Variants in DCDC1 observed in about 807,000 individuals in gnomAD.
DCDC1 encodes doublecortin domain containing 1.
A neutral mutation model predicts 178.3 loss-of-function variants in DCDC1; 200 were observed. The ratio of observed to expected loss-of-function variants is 1.12; its 90% CI spans 1.00 to 1.26. DCDC1 has a LOEUF of 1.26. Ranked by LOEUF, DCDC1 falls within the 50% of genes most tolerant of loss-of-function variation. The probability of loss-of-function intolerance (pLI) is 0.00; values close to 1 mark genes in which losing one functional copy is unlikely to be tolerated. For synonymous variants in DCDC1, 690 were observed against 604.8 expected (o/e 1.14, Z -2.07); for missense variants, 1,983 against 1,749.2 (o/e 1.13, Z -2.38).
chr11:31,013,778 G>T (rs1247320542), intron 20 of DCDC1, among the ~76,000 whole-genome samples: 1 of 152,122 alleles, frequency 6.6e-6, no homozygotes, highest in African/African-American at 2.4e-5. Flanking sequence ...TAATAGAATG[G>T]TATTAATGAT....
intron 29 of DCDC1, 43 bp from the exon 30 acceptor site, chr11:30,906,768 A>C: frequency 6.4e-7 from 1 of 1,557,916 alleles, no homozygotes; most frequent in Non-Finnish European, 8.7e-7. Context: ...GAGCATCTAA[A>C]TTGTTATAGC....
intron 9 of DCDC1, among the ~76,000 whole-genome samples, chr11:31,207,519 AC>A (rs1170043906): frequency 2.6e-5 from 4 of 152,180 alleles, no homozygotes; most frequent in Non-Finnish European, 4.4e-5. Context: ...TTACCAGCAC[AC>A]CTGCATGTGT....
chr11:31,052,994 A>G (rs1351722569), intron 20 of DCDC1, among the ~76,000 whole-genome samples: 1 of 152,056 alleles, frequency 6.6e-6, no homozygotes, highest in African/African-American at 2.4e-5. Context: ...TCAGAGCAGA[A>G]CTAAATGAAA....
chr11:30,889,934 G>A (rs1565032850), intron 36 of DCDC1, among the ~76,000 whole-genome samples: 1 of 152,164 alleles, frequency 6.6e-6, no homozygotes, highest in African/African-American at 2.4e-5. Context: ...AGGTAATTAA[G>A]GTTAAATAAA....
intron 36 of DCDC1, chr11:30,881,917 AATGG>A (rs1455431333): frequency 6.5e-6 from 1 of 153,816 alleles, no homozygotes; most frequent in East Asian, 1.9e-4. Context: ...ATACAGTGTC[AATGG>A]TACTAGAAAG....
At chr11:30,942,375 T>C (rs1947712384) in intron 21 of DCDC1, among the ~76,000 whole-genome samples, 1 of 152,126 alleles carries the variant, frequency 6.6e-6, no homozygotes, top group Non-Finnish European at 1.5e-5. Context: ...CTAGTTTCAG[T>C]CATAAAAGAT....
intron 9 of DCDC1, among the ~76,000 whole-genome samples, chr11:31,231,672 C>T (rs986496419): frequency 6.6e-6 from 1 of 151,730 alleles, no homozygotes; most frequent in African/African-American, 2.4e-5. Flanking sequence ...AGCCCTTCTC[C>T]TCCATAAACA....
At chr11:31,102,697 C>A (rs537389210) in intron 14 of DCDC1, among the ~76,000 whole-genome samples, 1 of 152,276 alleles carries the variant, frequency 6.6e-6, no homozygotes, top group African/African-American at 2.4e-5. Flanking sequence ...GCTGCAGTGT[C>A]CAATATGGTA....
intron 7 of DCDC1, among the ~76,000 whole-genome samples, chr11:31,284,902 G>T (rs1343677027): frequency 1.3e-5 from 2 of 151,972 alleles, no homozygotes. Context: ...GCCTCCCAAG[G>T]TGCTGGAATT....
At chr11:31,290,532 T>C in intron 7 of DCDC1, 115 bp downstream of exon 7, 1 of 1,146,738 alleles carries the variant, frequency 8.7e-7, no homozygotes. Flanking sequence ...CTATATAATG[T>C]CTTGTTAATA....
chr11:31,020,991 T>C (rs942500465), intron 20 of DCDC1, among the ~76,000 whole-genome samples: 23 of 152,318 alleles, frequency 1.5e-4, no homozygotes, highest in Non-Finnish European at 2.5e-4. Flanking sequence ...AAAATTTAAA[T>C]GTAAAAAACA....
intron 9 of DCDC1, among the ~76,000 whole-genome samples, chr11:31,140,202 C>G (rs1405061175): frequency 6.6e-6 from 1 of 152,052 alleles, no homozygotes; most frequent in Non-Finnish European, 1.5e-5. Flanking sequence ...CTGTTCTTAT[C>G]TAAAATATAT....
At chr11:31,126,509 A>C (rs1961640528) in intron 11 of DCDC1, among the ~76,000 whole-genome samples, 2 of 152,196 alleles carry the variant, frequency 1.3e-5, no homozygotes, top group South Asian at 4.1e-4. Flanking sequence ...AAGAAATGTT[A>C]TTGGTCAAAA....
chr11:30,915,636 G>T lies in DCDC1; in HGVS notation c.3528C>A (p.Ser1176Arg). ...QFEYRDGQII[S>R]HAAPQLVLGV... Reference sequence around the variant, plus strand: ...CCAAGACTAGCTGAGGAGCAGCATGGCTTATAATCTGCCCATCTCTGTATT... The same window carrying T: ...CCAAGACTAGCTGAGGAGCAGCATGTCTTATAATCTGCCCATCTCTGTATT... The change falls in exon 27 of 39, where the codon AGC becomes AGA. Residue 1176 changes from serine (S) to arginine (R), a missense_variant. Coordinates refer to ENST00000684477, the MANE Select transcript of DCDC1 (RefSeq NM_001387274.1). The T allele has an allele frequency of 6.2e-7, 1 of 1,613,954 alleles. No individual in the cohort carries two copies. The highest frequency in any genetic ancestry group is 1.3e-5 in the African/African-American group (1 of 75,040).
chr11:31,350,653 T>A (rs1244401178), intron 1 of DCDC1, among the ~76,000 whole-genome samples: 1 of 152,158 alleles, frequency 6.6e-6, no homozygotes, highest in Non-Finnish European at 1.5e-5. Flanking sequence ...TTTACAAGTA[T>A]CAGAAACAAT....
intron 9 of DCDC1, among the ~76,000 whole-genome samples, chr11:31,197,651 C>T (rs1970839622): frequency 6.6e-6 from 1 of 152,088 alleles, no homozygotes; most frequent in African/African-American, 2.4e-5. Flanking sequence ...TGTCTGCCAT[C>T]TGTTACTACT....
intron 20 of DCDC1, among the ~76,000 whole-genome samples, chr11:31,042,856 G>T (rs1954566687): frequency 6.6e-6 from 1 of 152,034 alleles, no homozygotes; most frequent in South Asian, 2.1e-4. Flanking sequence ...GTCTAGTGTT[G>T]GTGCACATGA....
intron 21 of DCDC1, among the ~76,000 whole-genome samples, chr11:30,942,132 T>A (rs1285138412): frequency 2.0e-5 from 3 of 152,150 alleles, no homozygotes; most frequent in African/African-American, 7.2e-5. Flanking sequence ...GTGTCTGCTA[T>A]CTATGAATGG....
intron 15 of DCDC1, among the ~76,000 whole-genome samples, chr11:31,096,770 C>A (rs1958181732): frequency 6.6e-6 from 1 of 151,130 alleles, no homozygotes; most frequent in Non-Finnish European, 1.5e-5. Context: ...TTACATTTTT[C>A]TTCTGTGACT....
Sources: gnomAD v4.1 joint callset for allele counts (sites outside exome capture counted in the v4.1 genomes callset) on GRCh38, gnomAD v4.1.1 for gene constraint, MANE v1.5 for transcripts, NCBI Gene and HGNC (gene_info 2026-07-23, HGNC 2026-07-21) for gene names.